Variants in HVCN1 observed in about 807,000 individuals in gnomAD.
HVCN1 encodes hydrogen voltage gated channel 1, also known as voltage-gated hydrogen channel 1.
A neutral mutation model predicts 29.2 loss-of-function variants in HVCN1; 14 were observed. That is an observed-to-expected ratio of 0.48 (90% confidence interval 0.32 to 0.75). The LOEUF (loss-of-function observed/expected upper bound fraction) is 0.75, where lower values mean the gene tolerates loss of function less well. HVCN1 is among the 30% of genes least tolerant of loss of function. The pLI is 0.04. For synonymous variants in HVCN1, 131 were observed against 133.2 expected, an observed-to-expected ratio of 0.98 and a Z score of 0.11; for missense variants, 263 against 341.8, an observed-to-expected ratio of 0.77 and a Z score of 1.82.
intron 3 of HVCN1, among the ~76,000 whole-genome samples, chr12:110,671,220 C>T (rs944946360): frequency 6.6e-6 from 1 of 151,920 alleles, no homozygotes; most frequent in East Asian, 1.9e-4. Flanking sequence ...CTAGCTACTC[C>T]GGAGGCTGAA....
At position 110,658,197 on chromosome 12, in the gene HVCN1, T is replaced by C. The variant is rs1433077602; in HGVS notation, c.307-2859A>G. 6.6e-6 allele frequency among the ~76,000 whole-genome samples: 1 copy of C among 152,096 alleles called. No homozygotes were observed. Among genetic ancestry groups the C allele is most frequent in the Non-Finnish European group, 1.5e-5 (1 of 67,998 alleles). On this transcript the variant is annotated intron_variant, in intron 4 of 7. Transcript: ENST00000242607. This position sits in a 1 kb window ranked among gnomAD's most constrained non-coding sequence, Gnocchi z 5.0. ...TCTCTCCCTTGGTTGTGCCATCCCA[T>C]GTAAGAAGGGACCTCAATTAACTAT...
chr12:110,651,625 C>T (rs1301597915), intron 5 of HVCN1, among the ~76,000 whole-genome samples, 177 bp from the exon 6 acceptor site: 2 of 152,132 alleles, frequency 1.3e-5, no homozygotes, highest in African/African-American at 4.8e-5. Context: ...CTCTAAAGGG[C>T]AATTAGGCAA....
intron 2 of HVCN1, among the ~76,000 whole-genome samples, chr12:110,695,337 A>C (rs921444300): frequency 3.3e-5 from 5 of 150,710 alleles, no homozygotes; most frequent in African/African-American, 1.2e-4. Flanking sequence ...TATAATTATA[A>C]TTGTATAATT....
In HVCN1 at chr12:110,676,972, GCTGAGGGGGATCA is replaced by G. The variant is rs2068769379; in HGVS notation, c.21+6240_21+6252del. Among the ~76,000 whole-genome samples the G allele has an allele frequency of 6.6e-6, 1 of 152,066 alleles. No individual in the cohort carries two copies. The highest frequency in any genetic ancestry group is 6.6e-5 in the Admixed American group (1 of 15,260). On this transcript the variant is annotated intron_variant, in intron 3 of 7. Transcript: ENST00000242607. This position sits in a 1 kb window ranked among gnomAD's most constrained non-coding sequence, Gnocchi z 4.1. ...ACCTGTAATCCCAGCACTTTGGGAGGCTGAGGGGGATCACTGAGTTCAGGAGTTCAAGACCAGC... is the reference window on the plus strand; with the variant it reads ...ACCTGTAATCCCAGCACTTTGGGAGGCTGAGTTCAGGAGTTCAAGACCAGC...
At chr12:110,659,808 C>G (rs530256429) in intron 4 of HVCN1, among the ~76,000 whole-genome samples, 1 of 152,202 alleles carries the variant, frequency 6.6e-6, no homozygotes, top group Non-Finnish European at 1.5e-5. Context: ...TGGCTCACGC[C>G]TGTAATCCCA....
At chr12:110,694,243 G>C (rs2069455789), upstream of HVCN1, among the ~76,000 whole-genome samples, 1 of 152,092 alleles carries the variant, frequency 6.6e-6, no homozygotes, top group Non-Finnish European at 1.5e-5. The surrounding 1 kb of genome is among the most constrained non-coding windows in gnomAD (Gnocchi z 4.6). Context: ...TTATTTTTTT[G>C]TGGAGACAGG....
chr12:110,687,030 G>A (rs1009458442), intron 2 of HVCN1, among the ~76,000 whole-genome samples: 4 of 152,260 alleles, frequency 2.6e-5, no homozygotes, highest in Admixed American at 2.6e-4. Context: ...ATGTAGAAAC[G>A]GGAGAAAAAA....
At chr12:110,687,743 G>C (rs966463188) in intron 2 of HVCN1, among the ~76,000 whole-genome samples, 2 of 152,082 alleles carry the variant, frequency 1.3e-5, no homozygotes, top group African/African-American at 2.4e-5. Context: ...GACGAGGAGC[G>C]GGGTGGTGGA....
chr12:110,692,498 C>T (rs1453477737), upstream of HVCN1, among the ~76,000 whole-genome samples: 1 of 152,036 alleles, frequency 6.6e-6, no homozygotes, highest in African/African-American at 2.4e-5. Context: ...GGCGGGAGGA[C>T]TGCTTGAGCC....
At chr12:110,687,276 G>A (rs2069226465) in intron 2 of HVCN1, among the ~76,000 whole-genome samples, 1 of 146,392 alleles carries the variant, frequency 6.8e-6, no homozygotes, top group East Asian at 2.0e-4. Context: ...CCCCAGCTAA[G>A]CACTGGGAAG....
At chr12:110,701,869 A>AC in intron 2 of HVCN1, among the ~76,000 whole-genome samples, 1 of 148,498 alleles carries the variant, frequency 6.7e-6, no homozygotes, top group African/African-American at 2.5e-5. Flanking sequence ...AAACAAAACA[A>AC]AACAACAAGA....
At chr12:110,662,188 C>T (rs148504051) in intron 3 of HVCN1, among the ~76,000 whole-genome samples, 3 of 151,978 alleles carry the variant, frequency 2.0e-5, no homozygotes, top group Admixed American at 6.6e-5. Context: ...TCCAGACTCA[C>T]GGGAAAGAAA....
At chr12:110,663,091 C>T (rs1032472268) in intron 3 of HVCN1, among the ~76,000 whole-genome samples, 8 of 152,226 alleles carry the variant, frequency 5.3e-5, no homozygotes, top group Admixed American at 2.6e-4. Context: ...CATCAAATAT[C>T]GGTGAGGGCG....
At chr12:110,679,875 A>G (rs1167074819) in intron 3 of HVCN1, among the ~76,000 whole-genome samples, 3 of 150,522 alleles carry the variant, frequency 2.0e-5, no homozygotes, top group Non-Finnish European at 4.4e-5. Context: ...AAAAAAAAAA[A>G]GAGGAAAACT....
At chr12:110,686,510 G>A (rs1017889919) in intron 2 of HVCN1, among the ~76,000 whole-genome samples, 1 of 151,958 alleles carries the variant, frequency 6.6e-6, no homozygotes, top group Non-Finnish European at 1.5e-5. Flanking sequence ...TCACGAGAGG[G>A]GCTCAAGTGG....
At chr12:110,666,540 C>T (rs2068367457) in intron 3 of HVCN1, among the ~76,000 whole-genome samples, 1 of 152,134 alleles carries the variant, frequency 6.6e-6, no homozygotes, top group Admixed American at 6.6e-5. Flanking sequence ...AAACAGAGCC[C>T]CAGGGACCAT....
intron 4 of HVCN1, among the ~76,000 whole-genome samples, chr12:110,655,956 TG>T (rs535163240): frequency 1.2e-4 from 19 of 152,290 alleles, no homozygotes; most frequent in African/African-American, 4.1e-4. Context: ...CCACCCACCT[TG>T]GCCTCCCAAA....
chr12:110,686,496 G>GCT (rs1411057192), intron 2 of HVCN1, among the ~76,000 whole-genome samples: 3 of 152,074 alleles, frequency 2.0e-5, no homozygotes, highest in Non-Finnish European at 4.4e-5. Context: ...TTCTCAACCT[G>GCT]CTCTCACGAG....
At position 110,651,269 on chromosome 12, in the gene HVCN1, A is replaced by G. The variant is rs1328434999; in HGVS notation, c.591T>C (p.Ala197=). 1 of 1,613,978 alleles carries G rather than the reference A, an allele frequency of 6.2e-7. No homozygotes were observed. The highest frequency in any genetic ancestry group is 1.7e-5 in the Admixed American group (1 of 59,998). The stretch of plus-strand genomic sequence containing the variant: ...GCCGGAGCAGAATCAGCAGGCCCAG[A>G]GCCTCAAACTGGTGCTCCTGGAACA... The part of the protein sequence containing the change: ...VLLFQEHQFE[A]LGLLILLRLW... The change falls in exon 6 of 8, where the codon GCT becomes GCC. Residue 197 remains alanine (A), a synonymous_variant. Coordinates refer to ENST00000242607, the MANE Select transcript of HVCN1 (RefSeq NM_032369.4).
Sources: allele counts gnomAD v4.1 joint callset (sites outside exome capture counted in the v4.1 genomes callset), GRCh38; gene constraint gnomAD v4.1.1; non-coding constraint Gnocchi (gnomAD v3.1); transcripts MANE v1.5; gene names NCBI Gene and HGNC (gene_info 2026-07-23, HGNC 2026-07-21).